AGBL1: variants seen among roughly 807,000 people sequenced by gnomAD.
The protein encoded by AGBL1 is AGBL carboxypeptidase 1.
AGBL1 carries 130 observed loss-of-function variants against 118.9 expected under a neutral mutation model. The observed-to-expected ratio is 1.09, with a 90% CI of 0.95 to 1.26. The LOEUF (loss-of-function observed/expected upper bound fraction) is 1.26. Ranked by LOEUF, AGBL1 falls within the 50% of genes most tolerant of loss-of-function variation. The pLI is 0.00. For synonymous variants in AGBL1, 555 were observed against 478.9 expected, an observed-to-expected ratio of 1.16 and a Z score of -2.08; for missense variants, 1,584 against 1,298.1, an observed-to-expected ratio of 1.22 and a Z score of -3.38.
chr15:86,601,630 G>T (rs1319511706), intron 21 of AGBL1, among the ~76,000 whole-genome samples: 2 of 152,108 alleles, frequency 1.3e-5, no homozygotes, highest in Admixed American at 6.6e-5. Context: ...AGCCAATTAA[G>T]ACTTAAGAAG....
intron 1 of AGBL1, among the ~76,000 whole-genome samples, chr15:86,130,313 C>CT (rs936853076): frequency 6.1e-4 from 93 of 151,346 alleles, no homozygotes; most frequent in African/African-American, 1.7e-3. Context: ...AAGTTGGCTT[C>CT]TTTTTTTTTA....
intron 23 of AGBL1, among the ~76,000 whole-genome samples, chr15:86,966,379 G>C (rs2081053203): frequency 6.6e-6 from 1 of 150,858 alleles, no homozygotes; most frequent in Non-Finnish European, 1.5e-5. Flanking sequence ...CAATATGCAG[G>C]TTAGTTACAT....
intron 22 of AGBL1, among the ~76,000 whole-genome samples, chr15:86,760,196 C>T (rs1006283136): frequency 4.0e-5 from 6 of 151,878 alleles, no homozygotes; most frequent in African/African-American, 9.7e-5. Context: ...TCTTTCTTCC[C>T]GGGCTGGGAG....
chr15:86,716,299 T>C (rs911594415), intron 22 of AGBL1, among the ~76,000 whole-genome samples: 2 of 152,078 alleles, frequency 1.3e-5, no homozygotes, highest in African/African-American at 4.8e-5. Flanking sequence ...CCTTTTTTTT[T>C]TTAAGTTAGC....
intron 17 of AGBL1, among the ~76,000 whole-genome samples, chr15:86,334,122 G>A (rs1456493506): frequency 1.3e-5 from 2 of 152,136 alleles, no homozygotes; most frequent in East Asian, 3.8e-4. Flanking sequence ...ACTGGAACAA[G>A]ATCAGGATGC....
chr15:86,335,349 AG>A (rs985729183), intron 17 of AGBL1, among the ~76,000 whole-genome samples: 13 of 152,126 alleles, frequency 8.5e-5, no homozygotes, highest in African/African-American at 1.2e-4. Flanking sequence ...TGTGTTGGCC[AG>A]GATGGTCTCG....
At chr15:86,511,053 G>A (rs1442725355) in intron 18 of AGBL1, among the ~76,000 whole-genome samples, 4 of 152,048 alleles carry the variant, frequency 2.6e-5, no homozygotes, top group African/African-American at 4.8e-5. Flanking sequence ...AATAGTATCC[G>A]ACACATAGTA....
intron 21 of AGBL1, among the ~76,000 whole-genome samples, chr15:86,561,386 T>G (rs2083817919): frequency 6.6e-6 from 1 of 152,200 alleles, no homozygotes; most frequent in African/African-American, 2.4e-5. Flanking sequence ...GGCTAGCCAG[T>G]TTTCCCAGCA....
intron 21 of AGBL1, among the ~76,000 whole-genome samples, chr15:86,620,741 G>A (rs2084791154): frequency 6.6e-6 from 1 of 152,030 alleles, no homozygotes; most frequent in Non-Finnish European, 1.5e-5. Flanking sequence ...TCGTAAAAAG[G>A]GACTTTGCAA....
At chr15:86,843,873 T>G (rs1444644482) in intron 22 of AGBL1, among the ~76,000 whole-genome samples, 1 of 152,062 alleles carries the variant, frequency 6.6e-6, no homozygotes, top group Non-Finnish European at 1.5e-5. Flanking sequence ...TTTCCTTGTG[T>G]CCGCCAGGAG....
rs78959122 is a variant in AGBL1 at position 86,846,386 on chromosome 15, C to A, written c.3159-60701C>A. On this transcript the variant is annotated intron_variant, in intron 22 of 22. Coordinates refer to ENST00000614907, the MANE Select transcript of AGBL1 (RefSeq NM_001386094.1). Reference sequence around the variant, plus strand: ...AGAAGTCTGCCATTAATTTTATATTCTTTTTATCTGTACATAAGGAGAAAT... The same window carrying A: ...AGAAGTCTGCCATTAATTTTATATTATTTTTATCTGTACATAAGGAGAAAT... Among the ~76,000 whole-genome samples the A allele has an allele frequency of 0.011, 1,599 of 152,212 alleles. 73 individuals are homozygous for A. In the East Asian group the frequency reaches 0.16, roughly 15 times the overall value.
intron 22 of AGBL1, among the ~76,000 whole-genome samples, chr15:86,853,967 G>A (rs762490809): frequency 2.6e-5 from 4 of 152,024 alleles, no homozygotes; most frequent in Non-Finnish European, 5.9e-5. Context: ...GGAAATGCTC[G>A]ATACCCAAGA....
intron 17 of AGBL1, among the ~76,000 whole-genome samples, chr15:86,304,398 G>A (rs923195454): frequency 3.3e-5 from 5 of 151,998 alleles, no homozygotes; most frequent in South Asian, 4.2e-4. Flanking sequence ...AAGTCTTCCC[G>A]GATCATGATA....
chr15:86,130,064 G>C (rs978124616), intron 1 of AGBL1, among the ~76,000 whole-genome samples: 1 of 152,118 alleles, frequency 6.6e-6, no homozygotes, highest in African/African-American at 2.4e-5. Flanking sequence ...GTCAGCAGTC[G>C]TGTGGGTAGG....
intron 24 of AGBL1, among the ~76,000 whole-genome samples, chr15:86,995,895 C>T (rs1055904695): frequency 4.6e-5 from 7 of 152,080 alleles, no homozygotes; most frequent in African/African-American, 7.2e-5. Flanking sequence ...CTCCAGCCTC[C>T]GGGTTCTAAT....
At chr15:87,014,330 A>G (rs182638092) in intron 24 of AGBL1, among the ~76,000 whole-genome samples, 67 of 152,290 alleles carry the variant, frequency 4.4e-4, no homozygotes, top group African/African-American at 1.6e-3. Context: ...TCTTAATTCT[A>G]TTGCGTGATC....
At chr15:86,830,237 G>A (rs889126652) in intron 22 of AGBL1, among the ~76,000 whole-genome samples, 1 of 151,940 alleles carries the variant, frequency 6.6e-6, no homozygotes, top group African/African-American at 2.4e-5. Flanking sequence ...TCACCATCCA[G>A]GTTAAGATGC....
intron 22 of AGBL1, among the ~76,000 whole-genome samples, chr15:86,803,878 G>C (rs539428132): frequency 6.6e-6 from 1 of 152,136 alleles, no homozygotes; most frequent in African/African-American, 2.4e-5. Context: ...AGATGCTGCT[G>C]AAGATCCTAC....
At chr15:86,821,649 A>G (rs1440052788) in intron 22 of AGBL1, among the ~76,000 whole-genome samples, 3 of 152,218 alleles carry the variant, frequency 2.0e-5, no homozygotes, top group Non-Finnish European at 4.4e-5. Context: ...GGATAGTGTA[A>G]ACATGCCAAT....
Sources: allele counts gnomAD v4.1 joint callset (sites outside exome capture counted in the v4.1 genomes callset), GRCh38; gene constraint gnomAD v4.1.1; transcripts MANE v1.5; gene names NCBI Gene and HGNC (gene_info 2026-07-23, HGNC 2026-07-21).